UNC79: variants seen among roughly 807,000 people sequenced by gnomAD.
The protein encoded by UNC79 is unc-79 subunit of NALCN channel complex.
Under a neutral mutation model 283.1 loss-of-function variants are expected in UNC79, and 37 were observed. The ratio of observed to expected loss-of-function variants is 0.13; its 90% CI spans 0.10 to 0.17. The LOEUF (loss-of-function observed/expected upper bound fraction) is 0.17, where lower values mean the gene tolerates loss of function less well. Ranked by LOEUF, UNC79 falls within the 10% of genes least tolerant of loss-of-function variation. The pLI, the probability that UNC79 is intolerant of heterozygous loss-of-function variation, is 1.00. For synonymous variants in UNC79, 1,107 were observed against 1,200.2 expected (o/e 0.92, Z 1.61); for missense variants, 2,272 against 3,211.1 (o/e 0.71, Z 7.07).
At chr14:93,585,615 C>T (rs1208023844) in intron 20 of UNC79, among the ~76,000 whole-genome samples, 3 of 152,268 alleles carry the variant, frequency 2.0e-5, no homozygotes, top group Non-Finnish European at 2.9e-5. Flanking sequence ...ATTGCCAAAA[C>T]GTGTAATGGT....
chr14:93,655,814 A>G (rs1033204963), intron 38 of UNC79, among the ~76,000 whole-genome samples: 1 of 152,318 alleles, frequency 6.6e-6, no homozygotes, highest in African/African-American at 2.4e-5. Context: ...AAAGGGAAGT[A>G]ATTGCTGTGT....
intron 7 of UNC79, 56 bp from the exon 8 acceptor site, chr14:93,523,922 C>G: frequency 1.9e-6 from 3 of 1,566,948 alleles, no homozygotes; most frequent in Non-Finnish European, 2.6e-6. Context: ...TCTGTTTTTA[C>G]TAGGGCATGA....
Position 93,467,659 on chromosome 14 carries a change from G to A in UNC79, c.23-12G>A. On this transcript the variant is annotated splice_polypyrimidine_tract_variant and intron_variant, in intron 1 of 48. Transcript: ENST00000555664. Reference sequence around the variant, plus strand: ...TTTTTTTTTTTTTTTTTTTTTTTTTGCTTTTATCTAGTTGCTTCCAAGATC... The same window carrying A: ...TTTTTTTTTTTTTTTTTTTTTTTTTACTTTTATCTAGTTGCTTCCAAGATC... 3 of 227,814 alleles carry A rather than the reference G, an allele frequency of 1.3e-5. No homozygotes were observed. The highest frequency in any genetic ancestry group is 1.2e-4 in the African/African-American group (1 of 8,112). 14.1% of individuals were successfully genotyped at this position (227,814 alleles called of 1,614,324 possible). A position where few individuals can be genotyped will look rare whatever the true frequency, so the allele number is the denominator to read the frequency against.
rs2063202531 is a variant in UNC79 at position 93,571,429 on chromosome 14, G to C, written c.1756-465G>C. Among the ~76,000 whole-genome samples the C allele has an allele frequency of 2.6e-5, 4 of 152,254 alleles. No individual in the cohort carries two copies. In the South Asian group the frequency reaches 8.3e-4, roughly 32 times the overall value. ...CAGGGTACGCAGCATAGGGTAAAAA[G>C]AGCACTGTGTACTACCGTATTTCCT... On this transcript the variant is annotated intron_variant, in intron 14 of 48. Coordinates refer to ENST00000555664, the Ensembl canonical transcript of UNC79.
chr14:93,556,716 A>G (rs895967596), intron 14 of UNC79, among the ~76,000 whole-genome samples: 2 of 151,676 alleles, frequency 1.3e-5, no homozygotes, highest in Non-Finnish European at 2.9e-5. Flanking sequence ...CTTTTTTTCA[A>G]AAAAACAAGA....
chr14:93,558,965 T>G (rs1367286884), intron 14 of UNC79, among the ~76,000 whole-genome samples: 1 of 152,168 alleles, frequency 6.6e-6, no homozygotes, highest in Non-Finnish European at 1.5e-5. Context: ...ATGTGAGTGA[T>G]ACAGACTCTG....
intron 31 of UNC79, among the ~76,000 whole-genome samples, chr14:93,631,222 A>G (rs1228566983): frequency 6.6e-6 from 1 of 152,226 alleles, no homozygotes; most frequent in Admixed American, 6.5e-5. Flanking sequence ...AACACGGAAC[A>G]GGTTTTGGGG....
chr14:93,501,068 T>G (rs1273792733), intron 7 of UNC79, among the ~76,000 whole-genome samples: 3 of 152,230 alleles, frequency 2.0e-5, no homozygotes, highest in Non-Finnish European at 4.4e-5. Flanking sequence ...CTCATGCCTA[T>G]AATCCCAGCA....
intron 47 of UNC79, among the ~76,000 whole-genome samples, chr14:93,696,737 G>A (rs2075157646): frequency 6.6e-6 from 1 of 152,030 alleles, no homozygotes; most frequent in South Asian, 2.1e-4. Flanking sequence ...ATTTTTCTCT[G>A]TGGTTTGTCT....
chr14:93,603,976 A>G (rs1036383793), intron 26 of UNC79, among the ~76,000 whole-genome samples: 6 of 152,208 alleles, frequency 3.9e-5, no homozygotes, highest in African/African-American at 1.4e-4. Flanking sequence ...AATAAGCTTC[A>G]TTGCCAATAT....
At chr14:93,365,222 C>G (rs1462378398) in intron 1 of UNC79, among the ~76,000 whole-genome samples, 1 of 151,894 alleles carries the variant, frequency 6.6e-6, no homozygotes, top group Non-Finnish European at 1.5e-5. Flanking sequence ...CCTGTCTATA[C>G]TAAAAATACA....
At chr14:93,580,123 T>G in intron 18 of UNC79, 26 bp from the exon 19 acceptor site, 1 of 1,584,018 alleles carries the variant, frequency 6.3e-7, no homozygotes, top group Non-Finnish European at 8.6e-7. Flanking sequence ...TGTGTGTGCG[T>G]GTGTCCTTTT....
At chr14:93,447,330 C>G (rs893566435) in intron 1 of UNC79, among the ~76,000 whole-genome samples, 1 of 151,968 alleles carries the variant, frequency 6.6e-6, no homozygotes, top group Non-Finnish European at 1.5e-5. Context: ...TTATTATGTA[C>G]TTCCTTAATT....
At chr14:93,458,020 A>G (rs892037225) in intron 1 of UNC79, among the ~76,000 whole-genome samples, 1 of 152,244 alleles carries the variant, frequency 6.6e-6, no homozygotes, top group African/African-American at 2.4e-5. Flanking sequence ...CATAATTTTT[A>G]CTTAAACCAT....
At chr14:93,364,624 C>G (rs2054292228) in intron 1 of UNC79, among the ~76,000 whole-genome samples, 1 of 62,384 alleles carries the variant, frequency 1.6e-5, no homozygotes, top group South Asian at 4.7e-4. Flanking sequence ...GTTAAGGGAA[C>G]TATACTTAGC....
At chr14:93,595,408 T>C (rs1257272615) in intron 23 of UNC79, among the ~76,000 whole-genome samples, 2 of 152,118 alleles carry the variant, frequency 1.3e-5, no homozygotes, top group Non-Finnish European at 2.9e-5. Flanking sequence ...GTTACTTTTC[T>C]ATTCAAGAAA....
In UNC79 at chr14:93,682,203, C is replaced by T. The variant is rs368727114; in HGVS notation, c.6742-414C>T. On this transcript the variant is annotated intron_variant, in intron 41 of 48. Coordinates refer to ENST00000555664, the Ensembl canonical transcript of UNC79. The stretch of plus-strand genomic sequence containing the variant: ...GGGGAAGAAACAGGTAGAATACTCA[C>T]TCTGAGGTTGATTGTTTTTCTGGTT... Among the ~76,000 whole-genome samples, 15 of 152,290 alleles carry T rather than the reference C, an allele frequency of 9.8e-5. No individual in the cohort carries two copies. In the East Asian group the frequency reaches 2.7e-3, roughly 27 times the overall value.
intron 1 of UNC79, among the ~76,000 whole-genome samples, chr14:93,455,001 C>A (rs1444427996): frequency 6.6e-6 from 1 of 152,034 alleles, no homozygotes; most frequent in African/African-American, 2.4e-5. Context: ...GAGTCACTTG[C>A]CAAAGAACAG....
chr14:93,347,398 A>G, intron 1 of UNC79: 1 of 1,484,646 alleles, frequency 6.7e-7, no homozygotes, highest in Non-Finnish European at 8.9e-7. Context: ...TGCCGCGGTG[A>G]GTTGAGGCCC....
Sources: allele counts gnomAD v4.1 joint callset (sites outside exome capture counted in the v4.1 genomes callset), GRCh38; gene constraint gnomAD v4.1.1; transcripts MANE v1.5; gene names NCBI Gene and HGNC (gene_info 2026-07-23, HGNC 2026-07-21).